Variants in CCDC141 observed in about 807,000 individuals in gnomAD.
CCDC141 encodes coiled-coil domain containing 141.
Under a neutral mutation model 181.0 loss-of-function variants are expected in CCDC141, and 168 were observed. The observed-to-expected ratio is 0.93, with a 90% CI of 0.82 to 1.05. The LOEUF (loss-of-function observed/expected upper bound fraction) is 1.05, where lower values mean the gene tolerates loss of function less well. Among genes scored for constraint, CCDC141 ranks in the 50% least tolerant of loss-of-function variants. CCDC141 has a pLI of 0.00. For synonymous variants in CCDC141, 666 were observed against 642.3 expected, an observed-to-expected ratio of 1.04 and a Z score of -0.56; for missense variants, 1,902 against 1,788.5, an observed-to-expected ratio of 1.06 and a Z score of -1.14.
rs745839442 is a variant in CCDC141 at position 178,865,857 on chromosome 2, G to C, written c.2634C>G (p.Asp878Glu). ...CAGCTTTGGCACGCCACTTCATGCT[G>C]TCCTCCTCAAGGAGCTCCAGCTGCT... is the stretch of plus-strand genomic sequence containing the variant. The part of the protein sequence containing the change: ...LQQQLELLEE[D>E]SMKWRAKAEE... The change falls in exon 17 of 24, where the codon GAC (aspartate) becomes GAG (glutamate). Residue 878 changes from aspartate to glutamate, a missense_variant. By Grantham distance (45) the Asp-to-Glu change is conservative. Transcript: ENST00000443758. 2 of 1,605,666 alleles carry C rather than the reference G, an allele frequency of 1.2e-6. No homozygotes were observed. The highest frequency in any genetic ancestry group is 1.3e-5 in the African/African-American group (1 of 74,558).
At chr2:179,033,524 G>A (rs974221854) in intron 2 of CCDC141, among the ~76,000 whole-genome samples, 1 of 152,092 alleles carries the variant, frequency 6.6e-6, no homozygotes, top group African/African-American at 2.4e-5. Context: ...GAATACAAAA[G>A]TATATTTTTA....
At chr2:179,013,287 T>C (rs1196066390) in intron 2 of CCDC141, among the ~76,000 whole-genome samples, 1 of 152,130 alleles carries the variant, frequency 6.6e-6, no homozygotes. Flanking sequence ...ACAAGATTAA[T>C]ATACACAAAT....
At chr2:178,869,370 AT>A in intron 14 of CCDC141, 65 bp from the exon 15 acceptor site, 1 of 1,147,260 alleles carries the variant, frequency 8.7e-7, no homozygotes, top group South Asian at 1.6e-5. Flanking sequence ...ACAACTGACA[AT>A]ATAAAGGTCT....
intron 6 of CCDC141, among the ~76,000 whole-genome samples, chr2:178,933,891 G>A (rs975592392): frequency 6.6e-6 from 1 of 152,198 alleles, no homozygotes; most frequent in Non-Finnish European, 1.5e-5. Flanking sequence ...TAAAAGAAAC[G>A]TATTACTGGG....
At chr2:178,937,943 T>TTCTC in intron 6 of CCDC141, among the ~76,000 whole-genome samples, 1 of 152,234 alleles carries the variant, frequency 6.6e-6, no homozygotes, top group East Asian at 1.9e-4. Flanking sequence ...TATTTGGATC[T>TTCTC]TCTCTCTTTT....
intron 2 of CCDC141, among the ~76,000 whole-genome samples, chr2:179,010,913 C>T (rs781017026): frequency 6.6e-6 from 1 of 152,042 alleles, no homozygotes. Context: ...AATCCCAGCA[C>T]TTTGGGAGGC....
At chr2:179,004,359 C>T (rs2042065106) in intron 2 of CCDC141, among the ~76,000 whole-genome samples, 1 of 152,096 alleles carries the variant, frequency 6.6e-6, no homozygotes, top group South Asian at 2.1e-4. Context: ...GCTACTTCTT[C>T]TAATGCTAAT....
chr2:178,941,971 A>AGGG (rs1689537119), intron 6 of CCDC141, among the ~76,000 whole-genome samples: 2 of 33,400 alleles, frequency 6.0e-5, no homozygotes, highest in Admixed American at 2.0e-4. Flanking sequence ...AAAAAAAAAA[A>AGGG]AAAAAAAAAA....
intron 2 of CCDC141, among the ~76,000 whole-genome samples, chr2:179,022,491 G>A (rs762556285): frequency 5.3e-5 from 8 of 152,110 alleles, no homozygotes; most frequent in Non-Finnish European, 1.2e-4. Flanking sequence ...TCTCTTCCCT[G>A]CCCCAAACAC....
chr2:178,847,356 C>G (rs1476290605), intron 21 of CCDC141, among the ~76,000 whole-genome samples: 3 of 152,036 alleles, frequency 2.0e-5, no homozygotes, highest in East Asian at 1.9e-4. Context: ...ATAGTGAGAC[C>G]TCAACTTTAC....
chr2:179,015,829 A>C (rs1358581587), intron 2 of CCDC141, among the ~76,000 whole-genome samples: 4 of 68,980 alleles, frequency 5.8e-5, no homozygotes, highest in South Asian at 4.4e-4. Context: ...TCATATATGT[A>C]TCATATATAT....
At chr2:178,965,892 A>C (rs1690607176) in intron 4 of CCDC141, among the ~76,000 whole-genome samples, 1 of 152,148 alleles carries the variant, frequency 6.6e-6, no homozygotes, top group Non-Finnish European at 1.5e-5. Context: ...CTGTCAGCAC[A>C]GCAGCAGTCT....
chr2:178,845,263 G>C (rs1322833640), intron 22 of CCDC141, among the ~76,000 whole-genome samples: 2 of 152,152 alleles, frequency 1.3e-5, no homozygotes, highest in South Asian at 2.1e-4. Context: ...GATAAAAAGG[G>C]ATAAGTAAAA....
chr2:178,839,321 G>A (rs1684620023), intron 22 of CCDC141, among the ~76,000 whole-genome samples: 1 of 151,654 alleles, frequency 6.6e-6, no homozygotes, highest in Non-Finnish European at 1.5e-5. Flanking sequence ...GCTGAGGCAG[G>A]AGAATCTCTT....
chr2:179,044,060 C>T (rs1196900509), intron 2 of CCDC141, among the ~76,000 whole-genome samples: 1 of 151,996 alleles, frequency 6.6e-6, no homozygotes, highest in Non-Finnish European at 1.5e-5. Flanking sequence ...TTCACAATTG[C>T]CACAAAAAGA....
At chr2:179,030,258 C>A (rs11688881) in intron 2 of CCDC141, among the ~76,000 whole-genome samples, 73,653 of 151,824 alleles carry the variant, frequency 0.49, 20,909 homozygotes, top group Non-Finnish European at 0.64. Context: ...TAACAGAAAG[C>A]AAATTCTTGC....
At chr2:178,918,626 C>G in intron 7 of CCDC141, 87 bp downstream of exon 7, 1 of 1,107,340 alleles carries the variant, frequency 9.0e-7, no homozygotes. Flanking sequence ...GTTTTGACTT[C>G]TGTGATGTGC....
the CCDC141 span, among the ~76,000 whole-genome samples, chr2:178,822,386 C>T: frequency 2.7e-5 from 4 of 150,292 alleles, no homozygotes; most frequent in Middle Eastern, 3.2e-3. Flanking sequence ...TGAACATGTA[C>T]CCTAGAACTT....
chr2:178,908,841 T>A lies in CCDC141; in HGVS notation c.1093-3340A>T, dbSNP rs1403643469. On this transcript the variant is annotated intron_variant, in intron 7 of 23. Transcript: ENST00000443758. ...TAACCTTAATACATGTCATGTTTGT[T>A]GTTTTGAGAATTAGGAAGAAAAATA... 8.5e-5 allele frequency among the ~76,000 whole-genome samples: 13 copies of A among 152,360 alleles called. No homozygotes were observed. In the East Asian group the frequency reaches 2.5e-3, roughly 29 times the overall value.
Sources: allele counts gnomAD v4.1 joint callset (sites outside exome capture counted in the v4.1 genomes callset), GRCh38; gene constraint gnomAD v4.1.1; transcripts MANE v1.5; gene names NCBI Gene and HGNC (gene_info 2026-07-23, HGNC 2026-07-21).